Variants in PRAG1 observed in about 807,000 individuals in gnomAD.
PRAG1 encodes the protein inactive tyrosine-protein kinase PRAG1.
In PRAG1, 110 loss-of-function variants were observed where a neutral mutation model predicts 95.6. The observed-to-expected ratio is 1.15, with a 90% CI of 0.99 to 1.35. The LOEUF (loss-of-function observed/expected upper bound fraction) is 1.35. PRAG1 is among the 40% of genes most tolerant of loss of function. The pLI, the probability that PRAG1 is intolerant of heterozygous loss-of-function variation, is 0.00. For missense variants in PRAG1, 2,554 were observed against 1,864.7 expected, an observed-to-expected ratio of 1.37 and a Z score of -6.81; for synonymous variants, 1,052 against 819.4, an observed-to-expected ratio of 1.28 and a Z score of -4.85.
At chr8:8,324,359 C>A (rs896107815) in intron 5 of PRAG1, among the ~76,000 whole-genome samples, 1 of 152,220 alleles carries the variant, frequency 6.6e-6, no homozygotes, top group African/African-American at 2.4e-5. Context: ...TAAATGGCAA[C>A]TGGGCTGGAT....
rs1800448209 is a variant in PRAG1, at chr8:8,377,351, GCGC to G, written c.1055_1057del (p.Gly352del). Reference sequence around the variant, plus strand: ...GAGGTGGGGGACGAAGGGGCTACTGGCGCCGCTGCCGCTGCCGCTGCCGCTGCC... The same window carrying G: ...GAGGTGGGGGACGAAGGGGCTACTGGCGCTGCCGCTGCCGCTGCCGCTGCC... On this transcript the variant is annotated inframe_deletion, in exon 3 of 6. Transcript: ENST00000615670. 41 of 1,577,036 alleles carry G rather than the reference GCGC, an allele frequency of 2.6e-5. 2 individuals are homozygous for G. In the South Asian group the frequency reaches 3.9e-4, roughly 15 times the overall value.
Position 8,381,847 on chromosome 8 carries a change from G to C in PRAG1, c.-87-13C>G. 1 of 919,530 alleles carries C rather than the reference G, an allele frequency of 1.1e-6. No homozygotes were observed. The highest frequency in any genetic ancestry group is 2.7e-5 in the East Asian group (1 of 37,410). 57.0% of individuals were successfully genotyped at this position (919,530 alleles called of 1,614,324 possible). A position where few individuals can be genotyped will look rare whatever the true frequency, so the allele number is the denominator to read the frequency against. On this transcript the variant is annotated splice_polypyrimidine_tract_variant and intron_variant, in intron 1 of 5. Transcript: ENST00000615670. ...ACAGAGCGGCTTCCTAGAAAGGCAGGACAGTTTCCTGATTAGAGATTTGCC... is the reference window on the plus strand; with the variant it reads ...ACAGAGCGGCTTCCTAGAAAGGCAGCACAGTTTCCTGATTAGAGATTTGCC...
chr8:8,372,555 C>T (rs1325086534), intron 3 of PRAG1, among the ~76,000 whole-genome samples: 3 of 152,194 alleles, frequency 2.0e-5, no homozygotes, highest in Admixed American at 6.5e-5. Flanking sequence ...CAGGCCTTGC[C>T]GTACCCGCCT....
At chr8:8,348,334 C>T (rs750721064) in intron 3 of PRAG1, among the ~76,000 whole-genome samples, 11 of 152,222 alleles carry the variant, frequency 7.2e-5, no homozygotes, top group Non-Finnish European at 1.5e-4. Flanking sequence ...TTCTCTCTAG[C>T]TTAGCCACCA....
intron 4 of PRAG1, among the ~76,000 whole-genome samples, chr8:8,332,880 G>A (rs28715856): frequency 0.074 from 11,173 of 150,780 alleles, 933 homozygotes; most frequent in African/African-American, 0.21. Context: ...AGGCAACACA[G>A]CATCTATGTT....
chr8:8,353,342 A>G (rs1799585145), intron 3 of PRAG1, among the ~76,000 whole-genome samples: 1 of 152,196 alleles, frequency 6.6e-6, no homozygotes, highest in East Asian at 1.9e-4. Context: ...GAAAATTGAA[A>G]TCATATCTAG....
In PRAG1 at chr8:8,365,847, G is replaced by C. The variant is rs7843290; in HGVS notation, c.2162+10400C>G. 1.9e-3 allele frequency among the ~76,000 whole-genome samples: 281 copies of C among 151,500 alleles called. 2 individuals carry two copies. Among genetic ancestry groups the C allele is most frequent in the Admixed American group, 0.016 (249 of 15,180 alleles). On this transcript the variant is annotated intron_variant, in intron 3 of 5. Transcript: ENST00000615670. ...ATACAAAAATTAGCTGGACATGGTG[G>C]TATGCCCCTGTAATCCCAGCTACTT... is the stretch of plus-strand genomic sequence containing the variant.
At chr8:8,372,025 C>T (rs780396090) in intron 3 of PRAG1, among the ~76,000 whole-genome samples, 3 of 152,200 alleles carry the variant, frequency 2.0e-5, no homozygotes, top group African/African-American at 4.8e-5. Context: ...GGGCTCAGGC[C>T]TCTTCTCCTA....
Position 8,328,203 on chromosome 8 carries a change from G to C in PRAG1, c.2579C>G (p.Ser860Cys), listed in dbSNP as rs750770300. The change falls in exon 5 of 6, where the codon TCT (serine) becomes TGT (cysteine). Residue 860 changes from serine (S) to cysteine (C), a missense_variant. By Grantham distance (112) the Ser-to-Cys change is moderately radical. Coordinates refer to ENST00000615670, the MANE Select transcript of PRAG1 (RefSeq NM_001080826.3). ...GGGGCTCAACGAATAGCTAAAGTGA[G>C]ATTCGTCGTGGACGTTGGTTTCCGA... Reference protein sequence around the residue: ...SHSETNVHDESHFSYSLSPGN... With the variant: ...SHSETNVHDECHFSYSLSPGN... 1.2e-6 allele frequency: 2 copies of C among 1,614,252 alleles called. No homozygotes were observed. The highest frequency in any genetic ancestry group is 8.5e-7 in the Non-Finnish European group (1 of 1,180,046).
intron 1 of PRAG1, among the ~76,000 whole-genome samples, chr8:8,384,327 G>C (rs562946977): frequency 6.6e-6 from 1 of 152,036 alleles, no homozygotes; most frequent in Non-Finnish European, 1.5e-5. Context: ...AGTGTGGAAG[G>C]ATCTGGATTG....
chr8:8,351,444 C>G (rs1045926827), intron 3 of PRAG1, among the ~76,000 whole-genome samples: 1 of 152,100 alleles, frequency 6.6e-6, no homozygotes, highest in Admixed American at 6.6e-5. Flanking sequence ...TTTTTGCTAT[C>G]GACAGAAGCA....
rs200846210 is a variant in PRAG1 at position 8,376,730 on chromosome 8, G to A, written c.1679C>T (p.Pro560Leu). The change falls in exon 3 of 6, where the codon CCG becomes CTG. Residue 560 changes from proline to leucine, a missense_variant. Transcript: ENST00000615670. The stretch of plus-strand genomic sequence containing the variant: ...TGACACTGGGGGCCCTCCAGCAGAC[G>A]GTGACACCGGGGACCCTACAGGGCT... ...KSSPVGSPVS[P>L]SAGGPPVSPL... The A allele has an allele frequency of 4.3e-5, 69 of 1,609,794 alleles. No individual in the cohort carries two copies. The highest frequency in any genetic ancestry group is 8.8e-5 in the South Asian group (8 of 91,060).
At chr8:8,374,049 G>T (rs1441429942) in intron 3 of PRAG1, among the ~76,000 whole-genome samples, 5 of 152,196 alleles carry the variant, frequency 3.3e-5, no homozygotes, top group Admixed American at 2.0e-4. Context: ...GTTCCCATAG[G>T]GTGTGGGTGT....
At position 8,383,948 on chromosome 8, in the gene PRAG1, G is replaced by A. The variant is rs1256079788; in HGVS notation, c.-87-2114C>T. On this transcript the variant is annotated intron_variant, in intron 1 of 5. Transcript: ENST00000615670. ...TAGGCAGTAGGTCCCTTCCTGGGAC[G>A]CTGATGGGTGAAGACTGTCTACACC... Among the ~76,000 whole-genome samples, 7 of 152,186 alleles carry A rather than the reference G, an allele frequency of 4.6e-5. No homozygotes were observed. In the South Asian group the frequency reaches 8.3e-4, roughly 18 times the overall value.
At position 8,318,961 on chromosome 8, in the gene PRAG1, C is replaced by T. The variant is rs530743738; in HGVS notation, c.3414G>A (p.Glu1138=). 3.1e-6 allele frequency: 5 copies of T among 1,613,158 alleles called. No individual in the cohort carries two copies. The highest frequency in any genetic ancestry group is 1.7e-4 in the Middle Eastern group (1 of 6,058). The change falls in exon 6 of 6, where the codon GAG becomes GAA. Residue 1138 remains glutamate, a synonymous_variant. Transcript: ENST00000615670. The surrounding 1 kb of genome is among the most constrained non-coding windows in gnomAD (Gnocchi z 4.2). ...QLCNGLEHLK[E]HGIIHRDLCL... is the part of the protein sequence containing the mutation. ...ACAGGTCCCGGTGGATGATCCCGTGCTCCTTCAGGTGCTCCAGCCCGTTGC... is the reference window on the plus strand; with the variant it reads ...ACAGGTCCCGGTGGATGATCCCGTGTTCCTTCAGGTGCTCCAGCCCGTTGC...
intron 4 of PRAG1, among the ~76,000 whole-genome samples, chr8:8,332,430 C>G (rs2117127296): frequency 6.6e-6 from 1 of 152,258 alleles, no homozygotes; most frequent in Non-Finnish European, 1.5e-5. Context: ...TCCTAAAGTG[C>G]TGGGATTCCA....
At chr8:8,334,262 C>T (rs967377358) in intron 4 of PRAG1, among the ~76,000 whole-genome samples, 5 of 151,950 alleles carry the variant, frequency 3.3e-5, no homozygotes, top group African/African-American at 1.2e-4. Context: ...CATGGTGAAA[C>T]CCTGTCTCTA....
rs753089575 is a variant in PRAG1 at position 8,318,627 on chromosome 8, G to C, written c.3748C>G (p.Arg1250Gly). The C allele has an allele frequency of 7.4e-6, 12 of 1,612,866 alleles. No individual in the cohort carries two copies. Among genetic ancestry groups the C allele is most frequent in the Non-Finnish European group, 1.0e-5 (12 of 1,179,874 alleles). Residue 1250 changes from arginine to glycine, a missense_variant, in exon 6 of 6, where the codon CGC (arginine) becomes GGC (glycine). By Grantham distance (125) the Arg-to-Gly change is moderately radical. Coordinates refer to ENST00000615670, the MANE Select transcript of PRAG1 (RefSeq NM_001080826.3). The surrounding 1 kb of genome is among the most constrained non-coding windows in gnomAD (Gnocchi z 4.2). Reference sequence around the variant, plus strand: ...CCTGTCTGGAACTCATCGAACTTGCGGTACTGGGAAGCAGACACGATCTCG... The same window carrying C: ...CCTGTCTGGAACTCATCGAACTTGCCGTACTGGGAAGCAGACACGATCTCG... ...APEIVSASQY[R>G]KFDEFQTGIL...
At chr8:8,357,949 C>A (rs1259820901) in intron 3 of PRAG1, among the ~76,000 whole-genome samples, 7 of 152,202 alleles carry the variant, frequency 4.6e-5, no homozygotes, top group African/African-American at 1.7e-4. Flanking sequence ...ATCAATTCTG[C>A]AGCAAACACC....
Sources: gnomAD v4.1 joint callset for allele counts (sites outside exome capture counted in the v4.1 genomes callset) on GRCh38, gnomAD v4.1.1 for gene constraint, Gnocchi (gnomAD v3.1) non-coding constraint, MANE v1.5 for transcripts, NCBI Gene and HGNC (gene_info 2026-07-23, HGNC 2026-07-21) for gene names.